CSMD1: variants seen among roughly 807,000 people sequenced by gnomAD.
CSMD1 encodes the protein CUB and sushi domain-containing protein 1.
A neutral mutation model predicts 417.5 loss-of-function variants in CSMD1; 213 were observed. The ratio of observed to expected loss-of-function variants is 0.51; its 90% CI spans 0.46 to 0.57. The LOEUF (loss-of-function observed/expected upper bound fraction) is 0.57. CSMD1 is among the 20% of genes least tolerant of loss of function. The pLI is 0.00. For synonymous variants in CSMD1, 2,862 were observed against 1,736.8 expected (o/e 1.65, Z -16.11); for missense variants, 6,923 against 4,529.7 (o/e 1.53, Z -15.17).
At chr8:4,894,611 T>A (rs1804355680) in intron 1 of CSMD1, among the ~76,000 whole-genome samples, 1 of 151,970 alleles carries the variant, frequency 6.6e-6, no homozygotes, top group Admixed American at 6.6e-5. Flanking sequence ...AATAATATTC[T>A]ATCCACCCAT....
chr8:3,981,116 G>C (rs1813826292), intron 5 of CSMD1, among the ~76,000 whole-genome samples: 1 of 152,172 alleles, frequency 6.6e-6, no homozygotes, highest in Non-Finnish European at 1.5e-5. Flanking sequence ...ATGCTGAAAT[G>C]TCAGGAGTCC....
chr8:3,334,196 G>C (rs1395967215), intron 23 of CSMD1, among the ~76,000 whole-genome samples: 1 of 152,144 alleles, frequency 6.6e-6, no homozygotes, highest in African/African-American at 2.4e-5. Flanking sequence ...ATCCTATAAA[G>C]AAAGCATTAT....
At chr8:4,507,466 T>C (rs1295731807) in intron 2 of CSMD1, among the ~76,000 whole-genome samples, 1 of 152,186 alleles carries the variant, frequency 6.6e-6, no homozygotes, top group Non-Finnish European at 1.5e-5. Context: ...CTCTGGCTAT[T>C]GATTACAAAT....
At chr8:3,411,243 C>G (rs1459388263) in intron 12 of CSMD1, among the ~76,000 whole-genome samples, 1 of 152,138 alleles carries the variant, frequency 6.6e-6, no homozygotes, top group Non-Finnish European at 1.5e-5. Flanking sequence ...GGACACCAGT[C>G]CCAAAAGTGC....
intron 3 of CSMD1, among the ~76,000 whole-genome samples, chr8:4,079,026 G>C (rs993256796): frequency 2.0e-5 from 3 of 150,406 alleles, no homozygotes; most frequent in Non-Finnish European, 2.9e-5. Context: ...GATTTGTTGT[G>C]TCCAGGTATG....
intron 3 of CSMD1, among the ~76,000 whole-genome samples, chr8:4,185,519 C>G (rs1368937407): frequency 6.6e-6 from 1 of 152,102 alleles, no homozygotes; most frequent in Non-Finnish European, 1.5e-5. Context: ...TCTGCTAATA[C>G]AAGTGGGCAT....
Position 4,961,690 on chromosome 8 carries a change from T to C in CSMD1, c.85+32642A>G, listed in dbSNP as rs186301878. The stretch of plus-strand genomic sequence containing the variant: ...TTGTATAGAGTAATTTTTATTGTTT[T>C]TTTTCTGAAATGATAACGTAATTTT... On this transcript the variant is annotated intron_variant, in intron 1 of 69. Coordinates refer to ENST00000635120, the MANE Select transcript of CSMD1 (RefSeq NM_033225.6). Among the ~76,000 whole-genome samples the C allele has an allele frequency of 6.3e-3, 959 of 152,268 alleles. 8 individuals carry two copies. The highest frequency in any genetic ancestry group is 0.011 in the South Asian group (53 of 4,826).
intron 31 of CSMD1, among the ~76,000 whole-genome samples, chr8:3,203,008 C>G (rs1414759111): frequency 6.6e-6 from 1 of 152,114 alleles, no homozygotes; most frequent in Admixed American, 6.5e-5. Context: ...CACCACCTCC[C>G]CAAGTTCATT....
rs558539948 is a variant in CSMD1, at chr8:4,909,724, C to A, written c.85+84608G>T. Reference sequence around the variant, plus strand: ...GCTTCCAGCAGCTCATGAAAGTGACCATTTAAGTGATCTCACCTGTATATA... The same window carrying A: ...GCTTCCAGCAGCTCATGAAAGTGACAATTTAAGTGATCTCACCTGTATATA... On this transcript the variant is annotated intron_variant, in intron 1 of 69. Transcript: ENST00000635120. Among the ~76,000 whole-genome samples, 3 of 152,282 alleles carry A rather than the reference C, an allele frequency of 2.0e-5. No homozygotes were observed. The South Asian group carries it at 6.2e-4, about 32-fold the overall frequency.
intron 10 of CSMD1, among the ~76,000 whole-genome samples, chr8:3,554,860 G>A (rs1799074590): frequency 6.6e-6 from 1 of 152,138 alleles, no homozygotes; most frequent in Admixed American, 6.5e-5. Context: ...CAGCCAGCAG[G>A]CAGGGAGCCC....
At chr8:3,654,463 G>C (rs1798005715) in intron 7 of CSMD1, among the ~76,000 whole-genome samples, 3 of 152,110 alleles carry the variant, frequency 2.0e-5, no homozygotes, top group South Asian at 2.1e-4. Context: ...TACAGGAAGA[G>C]GGTACACAGG....
At chr8:4,430,929 G>A (rs1211048771) in intron 2 of CSMD1, among the ~76,000 whole-genome samples, 3 of 152,132 alleles carry the variant, frequency 2.0e-5, no homozygotes, top group Non-Finnish European at 4.4e-5. Flanking sequence ...TCTTAACAGT[G>A]TAAAATTCAC....
At chr8:3,936,928 T>A (rs537412486) in intron 5 of CSMD1, among the ~76,000 whole-genome samples, 2 of 152,294 alleles carry the variant, frequency 1.3e-5, no homozygotes, top group East Asian at 3.9e-4. Context: ...TGTTTGTGAT[T>A]CATGGGAAGA....
chr8:3,590,916 T>G (rs185560666), intron 8 of CSMD1, among the ~76,000 whole-genome samples: 1 of 152,336 alleles, frequency 6.6e-6, no homozygotes, highest in East Asian at 1.9e-4. Context: ...GAATATATAA[T>G]AAACTAAGTT....
chr8:4,792,800 G>A (rs1797761515), intron 1 of CSMD1, among the ~76,000 whole-genome samples: 2 of 152,092 alleles, frequency 1.3e-5, no homozygotes, highest in African/African-American at 4.8e-5. Flanking sequence ...AGGCGTACTT[G>A]TAATATTTAA....
intron 2 of CSMD1, among the ~76,000 whole-genome samples, chr8:4,459,444 A>AT (rs1799677161): frequency 1.3e-5 from 2 of 152,142 alleles, no homozygotes; most frequent in African/African-American, 4.8e-5. Flanking sequence ...TGGCTCAGAG[A>AT]TTTTTCCCAA....
chr8:3,805,661 G>A (rs973032599), intron 5 of CSMD1, among the ~76,000 whole-genome samples: 1 of 151,998 alleles, frequency 6.6e-6, no homozygotes. Flanking sequence ...AGGCAAGTTG[G>A]GTATTTGATT....
rs1191850249 is a variant in CSMD1, at chr8:4,834,979, AAGAAAG to A, written c.85+159347_85+159352del. Among the ~76,000 whole-genome samples, 47 of 21,380 alleles carry A rather than the reference AAGAAAG, an allele frequency of 2.2e-3. 1 individual carries two copies. The highest frequency in any genetic ancestry group is 3.4e-3 in the African/African-American group (45 of 13,310). 14.0% of individuals were successfully genotyped at this position (21,380 alleles called of 152,430 possible). On this transcript the variant is annotated intron_variant, in intron 1 of 69. Transcript: ENST00000635120. ...CTCAAAAAAAAAAAAAAAAAAAAAA[AAGAAAG>A]AAAGAAAGAAAGAAAGAAAGAAAGA...
At chr8:4,724,520 ATGTG>A (rs66498850) in intron 1 of CSMD1, among the ~76,000 whole-genome samples, 30,771 of 144,752 alleles carry the variant, frequency 0.21, 4,011 homozygotes, top group African/African-American at 0.39. Flanking sequence ...TTATATATAT[ATGTG>A]TGTGTGTGTG....
Sources: allele counts gnomAD v4.1 joint callset (sites outside exome capture counted in the v4.1 genomes callset), GRCh38; gene constraint gnomAD v4.1.1; transcripts MANE v1.5; gene names NCBI Gene and HGNC (gene_info 2026-07-23, HGNC 2026-07-21).